The following EPB41L4A variants were observed in gnomAD, a reference collection of about 807,000 sequenced individuals.
EPB41L4A encodes the protein band 4.1-like protein 4A.
A neutral mutation model predicts 108.6 loss-of-function variants in EPB41L4A; 100 were observed. The ratio of observed to expected loss-of-function variants is 0.92; its 90% confidence interval spans 0.78 to 1.09. EPB41L4A has a LOEUF of 1.09. Ranked by LOEUF, EPB41L4A falls within the 50% of genes least tolerant of loss-of-function variation. The pLI is 0.00. For missense variants in EPB41L4A, 1,030 were observed against 842.7 expected, an observed-to-expected ratio of 1.22 and a Z score of -2.75; for synonymous variants, 319 against 289.0, an observed-to-expected ratio of 1.10 and a Z score of -1.05.
At chr5:112,396,184 C>A (rs577740561) in intron 1 of EPB41L4A, among the ~76,000 whole-genome samples, 1 of 152,056 alleles carries the variant, frequency 6.6e-6, no homozygotes, top group East Asian at 1.9e-4. Context: ...ACCAACATGG[C>A]ACATGTATAC....
chr5:112,353,707 T>A (rs1758196450), intron 1 of EPB41L4A, among the ~76,000 whole-genome samples: 1 of 151,870 alleles, frequency 6.6e-6, no homozygotes, highest in Non-Finnish European at 1.5e-5. Flanking sequence ...CCCTGATAGT[T>A]TGCATGGGTA....
chr5:112,403,629 G>C (rs1425321601), intron 1 of EPB41L4A, among the ~76,000 whole-genome samples: 2 of 152,030 alleles, frequency 1.3e-5, no homozygotes, highest in Non-Finnish European at 2.9e-5. Flanking sequence ...CCACCATGCT[G>C]GCTAATTACT....
At chr5:112,348,422 C>A (rs546216777) in intron 1 of EPB41L4A, among the ~76,000 whole-genome samples, 2 of 152,126 alleles carry the variant, frequency 1.3e-5, no homozygotes, top group Non-Finnish European at 2.9e-5. Context: ...TAAATAATAA[C>A]GTAGCCAAAA....
chr5:112,284,861 G>A (rs1320498060), intron 2 of EPB41L4A, among the ~76,000 whole-genome samples: 2 of 152,156 alleles, frequency 1.3e-5, no homozygotes, highest in African/African-American at 2.4e-5. Context: ...GACAGTCCTG[G>A]CTAAATGCCC....
At chr5:112,204,850 A>G (rs1488617265) in intron 14 of EPB41L4A, among the ~76,000 whole-genome samples, 1 of 152,232 alleles carries the variant, frequency 6.6e-6, no homozygotes, top group East Asian at 1.9e-4. Context: ...ATCAGCCTTC[A>G]GCACTGAGAT....
chr5:112,339,008 T>C lies in EPB41L4A; in HGVS notation c.100-31518A>G, dbSNP rs116066952. On this transcript the variant is annotated intron_variant, in intron 1 of 22. Coordinates refer to ENST00000261486, the MANE Select transcript of EPB41L4A (RefSeq NM_022140.5). ...CATGCAGTAGGCACTCAGAGAACAT[T>C]TGTAAATAAAAGAAAGTGACAGGGT... 5.9e-3 allele frequency among the ~76,000 whole-genome samples: 799 copies of C among 135,326 alleles called. 5 individuals carry two copies. Among genetic ancestry groups the C allele is most frequent in the Middle Eastern group, 0.019 (5 of 270 alleles). 88.8% of individuals were successfully genotyped at this position (135,326 alleles called of 152,430 possible). A position where few individuals can be genotyped will look rare whatever the true frequency, so the allele number is the denominator to read the frequency against.
At chr5:112,270,308 G>C (rs1752170022) in intron 4 of EPB41L4A, among the ~76,000 whole-genome samples, 1 of 152,174 alleles carries the variant, frequency 6.6e-6, no homozygotes, top group Non-Finnish European at 1.5e-5. Context: ...TGTGAAACAG[G>C]AGAACCTAGA....
chr5:112,152,182 T>TA (rs1462642868), intron 12 of EPB41L4A, among the ~76,000 whole-genome samples: 1 of 138,862 alleles, frequency 7.2e-6, no homozygotes, highest in Admixed American at 7.1e-5. Flanking sequence ...GACCAAAATA[T>TA]AAAAAAAGAA....
At chr5:112,283,605 T>C (rs1314982356) in intron 2 of EPB41L4A, among the ~76,000 whole-genome samples, 1 of 152,214 alleles carries the variant, frequency 6.6e-6, no homozygotes, top group Non-Finnish European at 1.5e-5. Flanking sequence ...ATACTGGTCA[T>C]GGAGTGCCAA....
chr5:112,274,446 T>C (rs1227498914), intron 4 of EPB41L4A, among the ~76,000 whole-genome samples: 1 of 152,180 alleles, frequency 6.6e-6, no homozygotes, highest in Non-Finnish European at 1.5e-5. Flanking sequence ...CCAATTAGCC[T>C]ACCCTCTTCT....
intron 1 of EPB41L4A, among the ~76,000 whole-genome samples, chr5:112,323,113 A>G (rs1487793090): frequency 6.6e-6 from 1 of 152,190 alleles, no homozygotes; most frequent in Non-Finnish European, 1.5e-5. Flanking sequence ...GTAGGTAAAA[A>G]TATCAGAGAT....
At chr5:112,402,106 C>G (rs567195378) in intron 1 of EPB41L4A, among the ~76,000 whole-genome samples, 58 of 152,306 alleles carry the variant, frequency 3.8e-4, no homozygotes, top group African/African-American at 1.4e-3. Flanking sequence ...GAGGAGGGGC[C>G]TGGTGGGAGG....
intron 2 of EPB41L4A, among the ~76,000 whole-genome samples, chr5:112,289,166 G>C (rs1753485485): frequency 6.6e-6 from 1 of 152,266 alleles, no homozygotes; most frequent in Admixed American, 6.5e-5. Context: ...GGAAGAGAAG[G>C]CTAGAGAAGG....
chr5:112,275,704 T>C (rs1289153765), intron 3 of EPB41L4A, among the ~76,000 whole-genome samples: 1 of 152,006 alleles, frequency 6.6e-6, no homozygotes, highest in Non-Finnish European at 1.5e-5. Flanking sequence ...TATGTAATTT[T>C]TCATAGTGAA....
chr5:112,404,279 A>C (rs929590367), intron 1 of EPB41L4A, among the ~76,000 whole-genome samples: 2 of 152,194 alleles, frequency 1.3e-5, no homozygotes, highest in African/African-American at 2.4e-5. Flanking sequence ...AAGCCCTTAC[A>C]TGTACTATTT....
At chr5:112,280,780 T>C (rs1024499904) in intron 2 of EPB41L4A, among the ~76,000 whole-genome samples, 2 of 152,198 alleles carry the variant, frequency 1.3e-5, no homozygotes, top group African/African-American at 4.8e-5. Context: ...TGACTTCTAT[T>C]TTTGGTGGGA....
chr5:112,391,774 T>C (rs1299060832), intron 1 of EPB41L4A, among the ~76,000 whole-genome samples: 4 of 151,970 alleles, frequency 2.6e-5, no homozygotes, highest in Non-Finnish European at 5.9e-5. Context: ...AGACACATAA[T>C]TGTCAGATTC....
At chr5:112,198,552 G>A (rs1339884961) in intron 15 of EPB41L4A, among the ~76,000 whole-genome samples, 4 of 152,144 alleles carry the variant, frequency 2.6e-5, no homozygotes, top group Middle Eastern at 3.4e-3. Flanking sequence ...CGGAATATTC[G>A]CTTTGCTGTT....
Position 112,242,354 on chromosome 5 carries a change from A to G in EPB41L4A, c.796-1544T>C, listed in dbSNP as rs77083297. 0.015 allele frequency among the ~76,000 whole-genome samples: 2,227 copies of G among 152,352 alleles called. 228 individuals carry two copies. In the East Asian group the frequency reaches 0.27, roughly 18 times the overall value. ...TTCACCAGGAGTAGATTCCAACTCA[A>G]GAACCACTTTTGTTCATTCATAAGA... On this transcript the variant is annotated intron_variant, in intron 9 of 22. Transcript: ENST00000261486.
Sources: allele counts gnomAD v4.1 joint callset (sites outside exome capture counted in the v4.1 genomes callset), GRCh38; gene constraint gnomAD v4.1.1; transcripts MANE v1.5; gene names NCBI Gene and HGNC (gene_info 2026-07-23, HGNC 2026-07-21).